Variants in MIX23 observed in about 807,000 individuals in gnomAD.
MIX23 encodes mitochondrial matrix import factor 23, also known as protein MIX23.
MIX23 carries 13 observed loss-of-function variants against 21.6 expected under a neutral mutation model. The observed-to-expected ratio is 0.60, with a 90% confidence interval of 0.39 to 0.96. The LOEUF (loss-of-function observed/expected upper bound fraction) is 0.96, where lower values mean the gene tolerates loss of function less well. Among genes scored for constraint, MIX23 ranks in the 40% least tolerant of loss-of-function variants. The pLI is 0.00. For synonymous variants in MIX23, 59 were observed against 58.0 expected (o/e 1.02, Z -0.08); for missense variants, 144 against 171.2 (o/e 0.84, Z 0.89).
intron 3 of MIX23, among the ~76,000 whole-genome samples, chr3:122,364,141 T>G (rs1056475139): frequency 6.6e-6 from 1 of 152,182 alleles, no homozygotes; most frequent in Non-Finnish European, 1.5e-5. Context: ...GTTTGAGAAA[T>G]TTGTGGCAAC....
chr3:122,376,569 A>T (rs939086867), intron 1 of MIX23, among the ~76,000 whole-genome samples: 3 of 152,124 alleles, frequency 2.0e-5, no homozygotes, highest in African/African-American at 7.2e-5. Flanking sequence ...CAGTGAACCA[A>T]GATTGCACCA....
chr3:122,371,350 G>C (rs2075440427), intron 2 of MIX23, among the ~76,000 whole-genome samples: 1 of 152,176 alleles, frequency 6.6e-6, no homozygotes, highest in African/African-American at 2.4e-5. Flanking sequence ...CACATTCCTT[G>C]CTCTTGTTAC....
At chr3:122,377,450 G>GT (rs1559994261) in intron 1 of MIX23, among the ~76,000 whole-genome samples, 4 of 152,272 alleles carry the variant, frequency 2.6e-5, no homozygotes, top group Non-Finnish European at 5.9e-5. Flanking sequence ...AATGATTAAG[G>GT]AATTCTTACA....
intron 1 of MIX23, chr3:122,373,118 T>C (rs150889393): frequency 1.8e-4 from 62 of 348,130 alleles, no homozygotes; most frequent in African/African-American, 1.2e-3. Flanking sequence ...TCATCCATAG[T>C]TAACCATTAT....
chr3:122,371,554 G>A (rs1181907733), intron 2 of MIX23, 121 bp downstream of exon 2: 12 of 1,127,644 alleles, frequency 1.1e-5, no homozygotes, highest in Non-Finnish European at 5.3e-6. Context: ...TACACCATCA[G>A]GTATAGGCAA....
chr3:122,376,152 G>A (rs1158045145), intron 1 of MIX23, among the ~76,000 whole-genome samples: 1 of 119,282 alleles, frequency 8.4e-6, no homozygotes. Context: ...GGGCAGCAGA[G>A]AGAGACTCCG....
At chr3:122,382,974 C>T (rs564920972) in intron 1 of MIX23, among the ~76,000 whole-genome samples, 200 bp downstream of exon 1, 9 of 152,276 alleles carry the variant, frequency 5.9e-5, no homozygotes, top group Non-Finnish European at 1.2e-4. Context: ...AGAACTATGA[C>T]CCCCCTCCTC....
chr3:122,380,468 G>C (rs1370112906), intron 1 of MIX23, among the ~76,000 whole-genome samples: 1 of 152,170 alleles, frequency 6.6e-6, no homozygotes, highest in African/African-American at 2.4e-5. Context: ...ATTGATGCTA[G>C]AAAATAACCT....
chr3:122,383,166 C>T lies in MIX23; in HGVS notation c.51+8G>A. ...CACATGCCTGCCACATGAGGAAAACCCCATCACCTGGAACTCGGCGAACTC... is the reference window on the plus strand; with the variant it reads ...CACATGCCTGCCACATGAGGAAAACTCCATCACCTGGAACTCGGCGAACTC... On this transcript the variant is annotated splice_region_variant and intron_variant, in intron 1 of 4. Coordinates refer to ENST00000291458, the MANE Select transcript of MIX23 (RefSeq NM_001017928.4). 6.2e-7 allele frequency: 1 copy of T among 1,613,950 alleles called. No homozygotes were observed. The highest frequency in any genetic ancestry group is 1.3e-5 in the African/African-American group (1 of 75,050).
At chr3:122,370,393 G>T (rs1452197907) in intron 2 of MIX23, among the ~76,000 whole-genome samples, 2 of 145,434 alleles carry the variant, frequency 1.4e-5, no homozygotes, top group Non-Finnish European at 1.5e-5. Flanking sequence ...GGAGGTGGAG[G>T]CTGCACTGAG....
At chr3:122,367,978 C>G in intron 3 of MIX23, 198 bp downstream of exon 3, 1 of 569,804 alleles carries the variant, frequency 1.8e-6, no homozygotes, top group Non-Finnish European at 3.1e-6. Flanking sequence ...TGCATTTGTT[C>G]AAGAAGTGCA....
chr3:122,365,247 A>G (rs1007358244), intron 3 of MIX23: 14 of 152,224 alleles, frequency 9.2e-5, no homozygotes, highest in African/African-American at 3.4e-4. Context: ...TATACTCACT[A>G]AAGTATCTGA....
intron 3 of MIX23, chr3:122,365,564 C>T (rs1190519262): frequency 6.6e-6 from 1 of 152,204 alleles, no homozygotes; most frequent in Non-Finnish European, 1.5e-5. Context: ...AGAAAGCAAA[C>T]CTCATGCAAC....
chr3:122,376,001 A>C (rs1403097799), intron 1 of MIX23, among the ~76,000 whole-genome samples: 1 of 151,888 alleles, frequency 6.6e-6, no homozygotes, highest in Admixed American at 6.6e-5. Context: ...ATCTCTACTA[A>C]AAATACAAAA....
At chr3:122,368,450 A>G (rs774067788) in intron 2 of MIX23, 128 bp from the exon 3 acceptor site, 6 of 918,900 alleles carry the variant, frequency 6.5e-6, no homozygotes, top group Non-Finnish European at 9.4e-6. Context: ...GACGACTGAA[A>G]CCATGAAAGA....
intron 3 of MIX23, among the ~76,000 whole-genome samples, chr3:122,365,906 T>TATAGATTACA (rs1690902908): frequency 1.3e-5 from 2 of 152,128 alleles, no homozygotes; most frequent in Non-Finnish European, 2.9e-5. Context: ...CTGGACACGG[T>TATAGATTACA]GGCTCATGCC....
At chr3:122,361,924 C>T (rs2075361623) in intron 4 of MIX23, among the ~76,000 whole-genome samples, 1 of 152,152 alleles carries the variant, frequency 6.6e-6, no homozygotes, top group African/African-American at 2.4e-5. Context: ...CTCTTATAAG[C>T]ATATAGTTTA....
chr3:122,375,353 G>C (rs1480073349), intron 1 of MIX23, among the ~76,000 whole-genome samples: 1 of 152,204 alleles, frequency 6.6e-6, no homozygotes, highest in Non-Finnish European at 1.5e-5. Flanking sequence ...AAGAGACTTG[G>C]AAAGAGTAGG....
At chr3:122,364,873 G>A (rs1006981512) in intron 3 of MIX23, among the ~76,000 whole-genome samples, 4 of 152,050 alleles carry the variant, frequency 2.6e-5, no homozygotes, top group African/African-American at 7.2e-5. Context: ...AAGTTATTAG[G>A]TATCAACTCC....
Sources: gnomAD v4.1 joint callset for allele counts (sites outside exome capture counted in the v4.1 genomes callset) on GRCh38, gnomAD v4.1.1 for gene constraint, MANE v1.5 for transcripts, NCBI Gene and HGNC (gene_info 2026-07-23, HGNC 2026-07-21) for gene names.